SYNDIG1: variants seen among roughly 807,000 people sequenced by gnomAD.
The protein encoded by SYNDIG1 is synapse differentiation-inducing gene protein 1.
A neutral mutation model predicts 19.4 loss-of-function variants in SYNDIG1; 9 were observed. The ratio of observed to expected loss-of-function variants is 0.46; its 90% CI spans 0.28 to 0.81. SYNDIG1 has a LOEUF of 0.81. SYNDIG1 is among the 30% of genes least tolerant of loss of function. The pLI is 0.12. For synonymous variants in SYNDIG1, 141 were observed against 145.9 expected, an observed-to-expected ratio of 0.97 and a Z score of 0.24; for missense variants, 311 against 343.3, an observed-to-expected ratio of 0.91 and a Z score of 0.74.
chr20:24,522,270 T>G (rs2057021507), intron 1 of SYNDIG1, among the ~76,000 whole-genome samples: 1 of 152,114 alleles, frequency 6.6e-6, no homozygotes, highest in African/African-American at 2.4e-5. Context: ...TAAAAATTTT[T>G]TGTAGAGATG....
chr20:24,473,625 G>T (rs898101204), intron 1 of SYNDIG1, among the ~76,000 whole-genome samples: 2 of 152,228 alleles, frequency 1.3e-5, no homozygotes, highest in Middle Eastern at 3.4e-3. Context: ...GGGACGCACT[G>T]GGGAGACAGG....
At chr20:24,549,596 G>A (rs1353033351) in intron 2 of SYNDIG1, among the ~76,000 whole-genome samples, 2 of 152,148 alleles carry the variant, frequency 1.3e-5, no homozygotes, top group African/African-American at 4.8e-5. Flanking sequence ...GTCTAGGGGT[G>A]GGTGACTGCA....
At chr20:24,633,742 C>G (rs1272854136) in intron 3 of SYNDIG1, among the ~76,000 whole-genome samples, 1 of 152,128 alleles carries the variant, frequency 6.6e-6, no homozygotes, top group Non-Finnish European at 1.5e-5. Flanking sequence ...GTGTGAATGC[C>G]CTCTGAGGTT....
chr20:24,499,745 G>A (rs2056394464), intron 1 of SYNDIG1, among the ~76,000 whole-genome samples: 4 of 152,194 alleles, frequency 2.6e-5, no homozygotes, highest in African/African-American at 9.7e-5. Context: ...GGGAGAGAAA[G>A]CAGGAAAGCA....
intron 3 of SYNDIG1, among the ~76,000 whole-genome samples, chr20:24,611,162 C>G (rs906892113): frequency 1.3e-5 from 2 of 152,170 alleles, no homozygotes; most frequent in Admixed American, 6.5e-5. Flanking sequence ...CTAGCCCCAC[C>G]ACATTCTCCA....
intron 3 of SYNDIG1, among the ~76,000 whole-genome samples, chr20:24,652,946 CACCTCTCT>C (rs2059487654): frequency 1.3e-5 from 2 of 152,152 alleles, no homozygotes; most frequent in South Asian, 4.1e-4. Flanking sequence ...CTCCCTATCT[CACCTCTCT>C]ACCTTCTTAA....
At chr20:24,531,107 G>T (rs1568615927) in intron 1 of SYNDIG1, among the ~76,000 whole-genome samples, 1 of 152,128 alleles carries the variant, frequency 6.6e-6, no homozygotes, top group Non-Finnish European at 1.5e-5. Context: ...ACCGTGCCTG[G>T]CCTGCAATTA....
intron 1 of SYNDIG1, among the ~76,000 whole-genome samples, chr20:24,479,130 T>A (rs1419218129): frequency 1.3e-5 from 2 of 152,216 alleles, no homozygotes; most frequent in Non-Finnish European, 2.9e-5. Flanking sequence ...TAAGACTAAG[T>A]TGGTGCCTAA....
intron 1 of SYNDIG1, among the ~76,000 whole-genome samples, chr20:24,513,445 T>C (rs988211801): frequency 4.6e-5 from 7 of 152,094 alleles, no homozygotes. Context: ...CTGATGGAGC[T>C]GAAAACCATG....
chr20:24,503,356 AG>A (rs1339061124), intron 1 of SYNDIG1, among the ~76,000 whole-genome samples: 2 of 152,204 alleles, frequency 1.3e-5, no homozygotes, highest in Non-Finnish European at 2.9e-5. Context: ...AGGAAAAATG[AG>A]ATCACACCAA....
At chr20:24,618,403 G>C (rs2058982776) in intron 3 of SYNDIG1, among the ~76,000 whole-genome samples, 1 of 152,030 alleles carries the variant, frequency 6.6e-6, no homozygotes, top group African/African-American at 2.4e-5. Flanking sequence ...CCAGGGAGAA[G>C]GGTTCTCTAC....
intron 3 of SYNDIG1, among the ~76,000 whole-genome samples, chr20:24,652,441 A>C (rs1373126828): frequency 6.6e-6 from 1 of 152,188 alleles, no homozygotes; most frequent in Non-Finnish European, 1.5e-5. Flanking sequence ...TACAAGTCAG[A>C]AGGGCCATCA....
intron 1 of SYNDIG1, among the ~76,000 whole-genome samples, chr20:24,488,707 C>T (rs796251336): frequency 6.6e-5 from 10 of 152,342 alleles, no homozygotes; most frequent in African/African-American, 1.2e-4. Flanking sequence ...GGCAGGCCCA[C>T]GGTGTCTCAT....
chr20:24,616,663 G>T (rs1420331537), intron 3 of SYNDIG1, among the ~76,000 whole-genome samples: 3 of 152,254 alleles, frequency 2.0e-5, no homozygotes, highest in African/African-American at 7.2e-5. Context: ...AGGAGCAGGT[G>T]CAGGGGGTGA....
At chr20:24,498,294 G>C (rs1042074332) in intron 1 of SYNDIG1, among the ~76,000 whole-genome samples, 7 of 152,228 alleles carry the variant, frequency 4.6e-5, no homozygotes, top group African/African-American at 1.7e-4. Flanking sequence ...ATTATTATTA[G>C]TAGTAGTATT....
chr20:24,546,200 C>T (rs1206833778), intron 2 of SYNDIG1, among the ~76,000 whole-genome samples: 1 of 152,196 alleles, frequency 6.6e-6, no homozygotes, highest in East Asian at 1.9e-4. Context: ...TCATTCCCTT[C>T]TTCGGTAATT....
intron 3 of SYNDIG1, among the ~76,000 whole-genome samples, chr20:24,646,404 G>A (rs965298283): frequency 6.6e-6 from 1 of 152,104 alleles, no homozygotes; most frequent in Admixed American, 6.5e-5. Flanking sequence ...TGGGTCAAGG[G>A]GGCAGATCTC....
chr20:24,613,809 T>A (rs888134032), intron 3 of SYNDIG1, among the ~76,000 whole-genome samples: 6 of 152,144 alleles, frequency 3.9e-5, no homozygotes, highest in Non-Finnish European at 7.3e-5. Flanking sequence ...ATGGCATAAA[T>A]GGGATTTGGA....
chr20:24,644,894 A>G (rs1020307476), intron 3 of SYNDIG1, among the ~76,000 whole-genome samples: 1 of 152,214 alleles, frequency 6.6e-6, no homozygotes, highest in Non-Finnish European at 1.5e-5. Context: ...AGACTGGTGT[A>G]TATTAACACC....
Sources: allele counts gnomAD v4.1 joint callset (sites outside exome capture counted in the v4.1 genomes callset), GRCh38; gene constraint gnomAD v4.1.1; transcripts MANE v1.5; gene names NCBI Gene and HGNC (gene_info 2026-07-23, HGNC 2026-07-21).